Variants in PPP2R2B observed in about 807,000 individuals in gnomAD.
PPP2R2B encodes protein phosphatase 2 regulatory subunit Bbeta.
In PPP2R2B, 5 loss-of-function variants were observed where a neutral mutation model predicts 46.0. The ratio of observed to expected loss-of-function variants is 0.11; its 90% CI spans 0.06 to 0.23. PPP2R2B has a LOEUF of 0.23. Among genes scored for constraint, PPP2R2B ranks in the 10% least tolerant of loss-of-function variants. PPP2R2B has a pLI of 1.00. For synonymous variants in PPP2R2B, 215 were observed against 206.7 expected, an observed-to-expected ratio of 1.04 and a Z score of -0.34; for missense variants, 367 against 575.0, an observed-to-expected ratio of 0.64 and a Z score of 3.70.
chr5:146,602,181 ACT>A, intron 7 of PPP2R2B, among the ~76,000 whole-genome samples: 1 of 152,180 alleles, frequency 6.6e-6, no homozygotes, highest in Non-Finnish European at 1.5e-5. Flanking sequence ...TTGCTCAGGT[ACT>A]CTCTTACAAT....
intron 2 of PPP2R2B, among the ~76,000 whole-genome samples, chr5:146,783,715 G>T (rs902454434): frequency 6.6e-6 from 1 of 152,208 alleles, no homozygotes; most frequent in African/African-American, 2.4e-5. Flanking sequence ...CAACGCATTT[G>T]TAAGTCTCTG....
intron 1 of PPP2R2B, among the ~76,000 whole-genome samples, chr5:146,976,803 T>C (rs1752928878): frequency 6.6e-6 from 1 of 152,194 alleles, no homozygotes; most frequent in African/African-American, 2.4e-5. Flanking sequence ...TTGGTGACTT[T>C]TGCATATTCA....
At chr5:146,645,632 G>C (rs895551817) in intron 6 of PPP2R2B, among the ~76,000 whole-genome samples, 1 of 152,174 alleles carries the variant, frequency 6.6e-6, no homozygotes, top group African/African-American at 2.4e-5. Flanking sequence ...GAGGCTACCT[G>C]GTCCCTTAAT....
rs543511889 is a variant in PPP2R2B at position 146,997,826 on chromosome 5, T to TA, written c.79+57838dup. ...AAAGAAATTACCCAGAAGCCTTAGG[T>TA]AAAAAAATTCAGGTAATTAAGGCAA... On this transcript the variant is annotated intron_variant, in intron 1 of 8. Transcript: ENST00000336640. Among the ~76,000 whole-genome samples, 21 of 152,196 alleles carry TA rather than the reference T, an allele frequency of 1.4e-4. No individual in the cohort carries two copies. The East Asian group carries it at 3.1e-3, about 22-fold the overall frequency.
In PPP2R2B at chr5:146,790,815, C is replaced by T. The variant is rs144535633; in HGVS notation, c.70+87187G>A. Among the ~76,000 whole-genome samples the T allele has an allele frequency of 4.6e-3, 703 of 152,240 alleles. 4 individuals carry two copies. The highest frequency in any genetic ancestry group is 0.016 in the African/African-American group (678 of 41,536). ...TTATGATTGTCCACATTCCATTTAGCATTGAAGAGAGGAGGAAGAAAGTGG... is the reference window on the plus strand; with the variant it reads ...TTATGATTGTCCACATTCCATTTAGTATTGAAGAGAGGAGGAAGAAAGTGG... On this transcript the variant is annotated intron_variant, in intron 2 of 9. Transcript: ENST00000394411.
At chr5:146,764,125 A>G (rs1754325389) in intron 2 of PPP2R2B, among the ~76,000 whole-genome samples, 1 of 152,070 alleles carries the variant, frequency 6.6e-6, no homozygotes, top group African/African-American at 2.4e-5. Flanking sequence ...CACAGAGAAG[A>G]TGGAAGCTGG....
chr5:146,966,458 A>G (rs1752413794), intron 1 of PPP2R2B, among the ~76,000 whole-genome samples: 1 of 152,204 alleles, frequency 6.6e-6, no homozygotes, highest in Non-Finnish European at 1.5e-5. Flanking sequence ...TGAGAACTGT[A>G]TTCTTACACT....
chr5:146,845,775 A>G, intron 2 of PPP2R2B, among the ~76,000 whole-genome samples: 1 of 152,178 alleles, frequency 6.6e-6, no homozygotes, highest in African/African-American at 2.4e-5. Flanking sequence ...TCTGTTTCCC[A>G]TGTGCATGTA....
chr5:146,919,879 C>T (rs952233652), intron 1 of PPP2R2B: 5 of 152,158 alleles, frequency 3.3e-5, no homozygotes, highest in South Asian at 2.1e-4. Flanking sequence ...CTGAATTAAA[C>T]GTTTATTTAG....
intron 2 of PPP2R2B, among the ~76,000 whole-genome samples, chr5:146,844,875 A>G (rs995822140): frequency 8.5e-5 from 13 of 152,200 alleles, no homozygotes; most frequent in Admixed American, 2.6e-4. Context: ...CCTTTAGCCT[A>G]CACAGTGACC....
chr5:146,780,091 C>T (rs558334962), intron 2 of PPP2R2B, among the ~76,000 whole-genome samples: 2 of 152,242 alleles, frequency 1.3e-5, no homozygotes, highest in South Asian at 4.1e-4. Context: ...TACAGTAAAA[C>T]ACTTGTCTCT....
chr5:146,630,123 A>G (rs1360371857), intron 7 of PPP2R2B, among the ~76,000 whole-genome samples: 1 of 152,082 alleles, frequency 6.6e-6, no homozygotes, highest in Non-Finnish European at 1.5e-5. Flanking sequence ...CTGTGGCCTC[A>G]CTTTCTATAC....
chr5:146,824,884 A>AT (rs991104046), intron 2 of PPP2R2B, among the ~76,000 whole-genome samples: 1 of 151,818 alleles, frequency 6.6e-6, no homozygotes, highest in Non-Finnish European at 1.5e-5. Context: ...CACCTGGCTA[A>AT]TTTTTTGTGT....
At chr5:146,758,546 T>G (rs959694761) in intron 2 of PPP2R2B, among the ~76,000 whole-genome samples, 1 of 152,186 alleles carries the variant, frequency 6.6e-6, no homozygotes, top group African/African-American at 2.4e-5. Flanking sequence ...CGAGCTATAT[T>G]TCATTAGCCA....
intron 4 of PPP2R2B, among the ~76,000 whole-genome samples, chr5:146,694,191 TG>T (rs910592370): frequency 1.4e-4 from 22 of 152,230 alleles, no homozygotes; most frequent in African/African-American, 4.6e-4. Context: ...GGGCATCACT[TG>T]GGCTGCTCGT....
At chr5:146,810,661 C>G (rs2151318193) in intron 2 of PPP2R2B, among the ~76,000 whole-genome samples, 1 of 152,234 alleles carries the variant, frequency 6.6e-6, no homozygotes, top group Non-Finnish European at 1.5e-5. Flanking sequence ...TGCCTCATGA[C>G]TGTGTTTTCT....
intron 2 of PPP2R2B, among the ~76,000 whole-genome samples, chr5:146,762,646 A>G (rs1208854744): frequency 2.0e-5 from 3 of 152,236 alleles, no homozygotes; most frequent in Non-Finnish European, 2.9e-5. Context: ...AGAGTCAGGC[A>G]CAGAACTTGA....
intron 1 of PPP2R2B, among the ~76,000 whole-genome samples, chr5:146,975,473 G>A (rs11167949): frequency 0.73 from 111,722 of 152,104 alleles, 41,811 homozygotes; most frequent in Admixed American, 0.83. Flanking sequence ...ACATGGGTAT[G>A]CAAATATGTC....
At chr5:146,771,869 T>A (rs249906) in intron 2 of PPP2R2B, among the ~76,000 whole-genome samples, 130,350 of 152,152 alleles carry the variant, frequency 0.86, 55,923 homozygotes, top group East Asian at 0.89. Context: ...AAGTATTCCA[T>A]GCTCTTTTCA....
Sources: allele counts gnomAD v4.1 joint callset (sites outside exome capture counted in the v4.1 genomes callset), GRCh38; gene constraint gnomAD v4.1.1; transcripts MANE v1.5; gene names NCBI Gene and HGNC (gene_info 2026-07-23, HGNC 2026-07-21).